SEMA3D: variants seen among roughly 807,000 people sequenced by gnomAD.
SEMA3D encodes semaphorin-3D.
In SEMA3D, 84 loss-of-function variants were observed where a neutral mutation model predicts 100.1. The ratio of observed to expected loss-of-function variants is 0.84; its 90% CI spans 0.70 to 1.01. The LOEUF (loss-of-function observed/expected upper bound fraction) is 1.01, where lower values mean the gene tolerates loss of function less well. Among genes scored for constraint, SEMA3D ranks in the 50% least tolerant of loss-of-function variants. SEMA3D has a pLI of 0.00. For missense variants in SEMA3D, 875 were observed against 934.1 expected (o/e 0.94, Z 0.82); for synonymous variants, 312 against 320.7 (o/e 0.97, Z 0.29).
rs183350963 is a variant in SEMA3D, at chr7:85,121,721, G to T, written c.151+20C>A. ...TTTCAAAATCTTAATAAACAATTTA[G>T]AAAATATGTATATATTTACCTTTGT... is the stretch of plus-strand genomic sequence containing the variant. On this transcript the variant is annotated intron_variant, in intron 3 of 18. Transcript: ENST00000284136. 5.9e-6 allele frequency: 8 copies of T among 1,354,536 alleles called. No homozygotes were observed. The East Asian group carries it at 2.0e-4, about 35-fold the overall frequency. 83.9% of individuals were successfully genotyped at this position (1,354,536 alleles called of 1,614,324 possible). A position where few individuals can be genotyped will look rare whatever the true frequency, so the allele number is the denominator to read the frequency against.
intron 2 of SEMA3D, among the ~76,000 whole-genome samples, chr7:85,129,751 G>T (rs1230785947): frequency 6.6e-6 from 1 of 151,950 alleles, no homozygotes; most frequent in Non-Finnish European, 1.5e-5. Flanking sequence ...ACAATATAAG[G>T]ATTCTTCATA....
chr7:85,158,721 C>T (rs917387325), intron 1 of SEMA3D, among the ~76,000 whole-genome samples: 19 of 152,148 alleles, frequency 1.2e-4, no homozygotes, highest in South Asian at 2.1e-4. Flanking sequence ...TTGCGGCTTG[C>T]GGGGCATCAC....
At chr7:85,178,459 T>C (rs1262485742) in intron 1 of SEMA3D, among the ~76,000 whole-genome samples, 6 of 152,070 alleles carry the variant, frequency 3.9e-5, no homozygotes, top group Non-Finnish European at 7.4e-5. Flanking sequence ...AGATGAGAAA[T>C]GTGTTGGGAA....
chr7:85,118,257 C>T lies in SEMA3D; in HGVS notation c.151+3484G>A, dbSNP rs180805278. The stretch of plus-strand genomic sequence containing the variant: ...CATATCTGCTTATTCCTTTTGATAT[C>T]GTTTTCTTTTAAATTCTTGAACATA... On this transcript the variant is annotated intron_variant, in intron 3 of 18. Coordinates refer to ENST00000284136, the MANE Select transcript of SEMA3D (RefSeq NM_001384900.1). Among the ~76,000 whole-genome samples the T allele has an allele frequency of 2.4e-4, 37 of 152,150 alleles. No homozygotes were observed. The East Asian group carries it at 6.2e-3, about 25-fold the overall frequency.
intron 1 of SEMA3D, among the ~76,000 whole-genome samples, chr7:85,177,144 T>C (rs141136167): frequency 1.2e-3 from 183 of 152,298 alleles, no homozygotes; most frequent in African/African-American, 3.7e-3. Context: ...CATTAAATGA[T>C]ACATGACTGT....
chr7:85,115,483 A>G (rs1481995643), intron 3 of SEMA3D, among the ~76,000 whole-genome samples: 2 of 152,186 alleles, frequency 1.3e-5, no homozygotes, highest in African/African-American at 2.4e-5. Context: ...TTGTCAATGC[A>G]GTGTTTCTGT....
At chr7:85,001,096 A>G (rs1015755469) in intron 18 of SEMA3D, among the ~76,000 whole-genome samples, 6 of 152,194 alleles carry the variant, frequency 3.9e-5, no homozygotes, top group African/African-American at 1.4e-4. Context: ...AGGAAAAGAA[A>G]CATCTCTGGC....
At chr7:85,041,947 C>A in intron 10 of SEMA3D, 2 of 482,934 alleles carry the variant, frequency 4.1e-6, no homozygotes, top group Non-Finnish European at 7.3e-6. Flanking sequence ...GTTTCCTTCA[C>A]TTACTTTGAG....
intron 1 of SEMA3D, among the ~76,000 whole-genome samples, chr7:85,159,734 G>C (rs1292068793): frequency 1.3e-5 from 2 of 152,178 alleles, no homozygotes; most frequent in African/African-American, 4.8e-5. Context: ...TTATGGGTGA[G>C]AACACAGTGA....
rs1329486098 is a variant in SEMA3D at position 84,999,888 on chromosome 7, G to A, written c.1909-23C>T. 5.0e-6 allele frequency: 8 copies of A among 1,600,148 alleles called. No homozygotes were observed. In the East Asian group the frequency reaches 6.7e-5, roughly 13 times the overall value. The stretch of plus-strand genomic sequence containing the variant: ...CAACTGCAGAATTGGAAAAATGTAG[G>A]TAATAAATTAAACACAGAGAGAGCT... On this transcript the variant is annotated intron_variant, in intron 18 of 18. Coordinates refer to ENST00000284136, the MANE Select transcript of SEMA3D (RefSeq NM_001384900.1).
chr7:85,158,768 C>T (rs182466187), intron 1 of SEMA3D, among the ~76,000 whole-genome samples: 76 of 152,230 alleles, frequency 5.0e-4, no homozygotes, highest in Non-Finnish European at 8.2e-4. Context: ...TCTGGACACT[C>T]AGCTTTAAAA....
chr7:85,168,879 AAAGAAAGAAAGAAAAAG>A (rs1348599473), intron 1 of SEMA3D, among the ~76,000 whole-genome samples: 1 of 140,552 alleles, frequency 7.1e-6, no homozygotes, highest in African/African-American at 2.6e-5. Flanking sequence ...GAAAGAAAGA[AAAGAAAGAAAGAAAAAG>A]AGAAACAAGG....
intron 12 of SEMA3D, among the ~76,000 whole-genome samples, chr7:85,033,680 C>T (rs1263884109): frequency 1.3e-5 from 2 of 151,790 alleles, no homozygotes; most frequent in Non-Finnish European, 2.9e-5. Flanking sequence ...AATAATATGG[C>T]CTGAATGGTG....
intron 1 of SEMA3D, among the ~76,000 whole-genome samples, chr7:85,159,116 C>T (rs117019454): frequency 6.6e-6 from 1 of 152,170 alleles, no homozygotes; most frequent in Non-Finnish European, 1.5e-5. Context: ...TATCTTAGAC[C>T]CTGATATTCT....
chr7:85,158,054 A>C (rs1341389298), intron 1 of SEMA3D, among the ~76,000 whole-genome samples: 1 of 152,158 alleles, frequency 6.6e-6, no homozygotes, highest in African/African-American at 2.4e-5. Flanking sequence ...TCGCAAGCTG[A>C]GGAGGATGTA....
intron 2 of SEMA3D, among the ~76,000 whole-genome samples, chr7:85,153,149 T>A (rs1014887618): frequency 6.6e-6 from 1 of 152,134 alleles, no homozygotes; most frequent in African/African-American, 2.4e-5. Flanking sequence ...AGACTGCCTT[T>A]GGTATAAGCA....
intron 9 of SEMA3D, among the ~76,000 whole-genome samples, chr7:85,052,312 C>A (rs1240007066): frequency 6.6e-6 from 1 of 151,910 alleles, no homozygotes; most frequent in Non-Finnish European, 1.5e-5. Context: ...TCATTGACTA[C>A]AGGATAGAGT....
intron 4 of SEMA3D, among the ~76,000 whole-genome samples, chr7:85,085,573 T>G (rs1291012294): frequency 6.6e-6 from 1 of 152,196 alleles, no homozygotes; most frequent in Non-Finnish European, 1.5e-5. Context: ...GCCTTCTGTA[T>G]GTCAGCCAAG....
At chr7:85,098,430 A>AT (rs1254003339) in intron 3 of SEMA3D, among the ~76,000 whole-genome samples, 1 of 151,888 alleles carries the variant, frequency 6.6e-6, no homozygotes, top group Non-Finnish European at 1.5e-5. Flanking sequence ...ATATTTGCAA[A>AT]TCTATAAAAT....
Sources: gnomAD v4.1 joint callset for allele counts (sites outside exome capture counted in the v4.1 genomes callset) on GRCh38, gnomAD v4.1.1 for gene constraint, MANE v1.5 for transcripts, NCBI Gene and HGNC (gene_info 2026-07-23, HGNC 2026-07-21) for gene names.